Variants in PCDHGA4 observed in about 807,000 individuals in gnomAD.
PCDHGA4 encodes protocadherin gamma subfamily A, 4, also known as protocadherin gamma-A4.
PCDHGA4 carries 38 observed loss-of-function variants against 54.6 expected under a neutral mutation model. That is an observed-to-expected ratio of 0.70 (90% confidence interval 0.54 to 0.91). PCDHGA4 has a LOEUF of 0.91. Ranked by LOEUF, PCDHGA4 falls within the 40% of genes least tolerant of loss-of-function variation. PCDHGA4 has a pLI of 0.00. For missense variants in PCDHGA4, 1,298 were observed against 1,220.9 expected (o/e 1.06, Z -0.94); for synonymous variants, 511 against 512.9 (o/e 1.00, Z 0.05).
In PCDHGA4 at chr5:141,365,803, G is replaced by A. The variant is rs138451800; in HGVS notation, c.2514+8182G>A. On this transcript the variant is annotated intron_variant, in intron 1 of 3. Coordinates refer to ENST00000571252, the MANE Select transcript of PCDHGA4 (RefSeq NM_018917.4). ...ACAACGCTCGAGTCACCTACTCCCT[G>A]GCTGAAGACACATTTCAGGGGGCGC... 8,384 of 1,613,862 alleles carry A rather than the reference G, an allele frequency of 5.2e-3. 46 individuals are homozygous for A. Among genetic ancestry groups the A allele is most frequent in the Admixed American group, 9.4e-3 (566 of 60,014 alleles).
intron 1 of PCDHGA4, among the ~76,000 whole-genome samples, chr5:141,437,364 T>G (rs1026384836): frequency 6.6e-6 from 1 of 152,232 alleles, no homozygotes; most frequent in Non-Finnish European, 1.5e-5. Context: ...AAAATTGGAA[T>G]GTAATCAGTC....
intron 1 of PCDHGA4, among the ~76,000 whole-genome samples, chr5:141,401,643 A>G (rs973841801): frequency 6.6e-6 from 1 of 152,262 alleles, no homozygotes; most frequent in African/African-American, 2.4e-5. Context: ...AGCTTTAAAT[A>G]TAAATGACTG....
intron 1 of PCDHGA4, among the ~76,000 whole-genome samples, chr5:141,368,538 C>T (rs1004071983): frequency 6.6e-6 from 1 of 151,336 alleles, no homozygotes; most frequent in Admixed American, 6.6e-5. Context: ...ACTTGCTTTT[C>T]CATTTTTTTT....
At chr5:141,510,169 A>G (rs927072830) in intron 3 of PCDHGA4, among the ~76,000 whole-genome samples, 7 of 151,230 alleles carry the variant, frequency 4.6e-5, no homozygotes, top group Non-Finnish European at 1.0e-4. Context: ...GCTACTCAGG[A>G]GGTTGAGGCA....
chr5:141,393,071 C>T (rs927273885), intron 1 of PCDHGA4: 3 of 1,613,680 alleles, frequency 1.9e-6, no homozygotes, highest in Non-Finnish European at 2.5e-6. Context: ...GCTTGATCAC[C>T]GCGGGCAGGA....
In PCDHGA4 at chr5:141,489,365, G is replaced by A. The variant is rs774363104; in HGVS notation, c.2515-5442G>A. ...TCAGTGGTGGAGGAGTCTGAGCCGG[G>A]GACGCTGGTGGGGAATGTTGCTCAG... On this transcript the variant is annotated intron_variant, in intron 1 of 3. Transcript: ENST00000571252. The surrounding 1 kb of genome is among the most constrained non-coding windows in gnomAD (Gnocchi z 4.5). The A allele has an allele frequency of 6.2e-7, 1 of 1,613,512 alleles. No individual in the cohort carries two copies.
intron 1 of PCDHGA4, chr5:141,420,357 C>A: frequency 7.3e-7 from 1 of 1,376,278 alleles, no homozygotes; most frequent in East Asian, 2.6e-5. Flanking sequence ...TTTTAAGATT[C>A]TAGATAACTT....
At chr5:141,455,160 G>GT (rs59530096) in intron 1 of PCDHGA4, among the ~76,000 whole-genome samples, 26,536 of 149,098 alleles carry the variant, frequency 0.18, 2,386 homozygotes, top group South Asian at 0.23. Flanking sequence ...TAGTTTGTTG[G>GT]TTTTTTTTTT....
At position 141,490,409 on chromosome 5, in the gene PCDHGA4, C is replaced by G; in HGVS notation, c.2515-4398C>G. On this transcript the variant is annotated intron_variant, in intron 1 of 3. Transcript: ENST00000571252. The surrounding 1 kb of genome is among the most constrained non-coding windows in gnomAD (Gnocchi z 5.4). ...AATGGTGAAGTGAGCCTTGATATCT[C>G]TCCGGACCTGCCATTTCAGATTAAG... 1 of 1,614,202 alleles carries G rather than the reference C, an allele frequency of 6.2e-7. No homozygotes were observed. Among genetic ancestry groups the G allele is most frequent in the Non-Finnish European group, 8.5e-7 (1 of 1,180,038 alleles).
intron 1 of PCDHGA4, chr5:141,419,206 G>A: frequency 1.9e-6 from 3 of 1,613,876 alleles, no homozygotes; most frequent in Non-Finnish European, 1.7e-6. Flanking sequence ...ATGACAACGC[G>A]CCGGTTTTCG....
At chr5:141,444,380 A>G (rs1475986922) in intron 1 of PCDHGA4, among the ~76,000 whole-genome samples, 1 of 151,876 alleles carries the variant, frequency 6.6e-6, no homozygotes, top group Non-Finnish European at 1.5e-5. Context: ...CATGTTGGTC[A>G]GGCTAGTCTT....
intron 1 of PCDHGA4, chr5:141,408,786 C>A: frequency 6.2e-7 from 1 of 1,612,430 alleles, no homozygotes; most frequent in Non-Finnish European, 8.5e-7. Flanking sequence ...CCAGAGTTAT[C>A]TCTGGAGAAA....
In PCDHGA4 at chr5:141,374,128, G is replaced by T. The variant is rs376765941; in HGVS notation, c.2514+16507G>T. Reference sequence around the variant, plus strand: ...ATCCGCAGCGCAGCGAGCAGGTCCTGCTCCTCACGCTCCTGGGGACGCTGT... The same window carrying T: ...ATCCGCAGCGCAGCGAGCAGGTCCTTCTCCTCACGCTCCTGGGGACGCTGT... On this transcript the variant is annotated intron_variant, in intron 1 of 3. Coordinates refer to ENST00000571252, the MANE Select transcript of PCDHGA4 (RefSeq NM_018917.4). The T allele has an allele frequency of 4.4e-6, 7 of 1,603,372 alleles. No homozygotes were observed. The African/African-American group carries it at 8.0e-5, about 18-fold the overall frequency.
At chr5:141,387,891 A>T (rs774395551) in intron 1 of PCDHGA4, 36 of 1,554,882 alleles carry the variant, frequency 2.3e-5, no homozygotes, top group Non-Finnish European at 2.9e-5. Context: ...AGGGATGGGG[A>T]GCGGCGCCGG....
At chr5:141,423,042 G>A in intron 1 of PCDHGA4, 1 of 1,614,220 alleles carries the variant, frequency 6.2e-7, no homozygotes, top group Non-Finnish European at 8.5e-7. Context: ...ACGCCTGGCT[G>A]TCCTATCGCC....
Position 141,374,537 on chromosome 5 carries a change from T to G in PCDHGA4, c.2514+16916T>G, listed in dbSNP as rs1430968090. Reference sequence around the variant, plus strand: ...CGAAAACGCAGCTCCATCCTCTCGTTTTCCACTAATGGAGGTCTATGACCC... The same window carrying G: ...CGAAAACGCAGCTCCATCCTCTCGTGTTCCACTAATGGAGGTCTATGACCC... On this transcript the variant is annotated intron_variant, in intron 1 of 3. Coordinates refer to ENST00000571252, the MANE Select transcript of PCDHGA4 (RefSeq NM_018917.4). 4 of 1,613,198 alleles carry G rather than the reference T, an allele frequency of 2.5e-6. No individual in the cohort carries two copies. In the Admixed American group the frequency reaches 5.0e-5, roughly 20 times the overall value.
chr5:141,389,131 A>G, intron 1 of PCDHGA4: 2 of 1,614,024 alleles, frequency 1.2e-6, no homozygotes, highest in African/African-American at 2.7e-5. Flanking sequence ...AATCCAGAGT[A>G]CAATATAACC....
rs753473913 is a variant in PCDHGA4 at position 141,503,323 on chromosome 5, G to A, written c.2574-2070G>A. On this transcript the variant is annotated intron_variant, in intron 2 of 3. Transcript: ENST00000571252. The stretch of plus-strand genomic sequence containing the variant: ...CTCAAGAAAGAATTGTTGGAGGGGC[G>A]CGGTGGCTCACGCCTGTAATTCCAG... Among the ~76,000 whole-genome samples the A allele has an allele frequency of 2.0e-5, 3 of 152,214 alleles. No individual in the cohort carries two copies. In the Middle Eastern group the frequency reaches 0.01, roughly 518 times the overall value.
rs1254227812 is a variant in PCDHGA4, at chr5:141,357,331, C to T, written c.2224C>T (p.Leu742=). Reference sequence around the variant, plus strand: ...CGTCTTCCTGGCTTTTGTCACGGTGCTGCTAGCACTCAAGCTGAGACGCTG... The same window carrying T: ...CGTCTTCCTGGCTTTTGTCACGGTGTTGCTAGCACTCAAGCTGAGACGCTG... ...SCVFLAFVTV[L]LALKLRRWHK... Residue 742 remains leucine (L), a synonymous_variant, in exon 1 of 4, where the codon CTG becomes TTG. Coordinates refer to ENST00000571252, the MANE Select transcript of PCDHGA4 (RefSeq NM_018917.4). 2.5e-6 allele frequency: 4 copies of T among 1,614,098 alleles called. No homozygotes were observed. The Admixed American group carries it at 5.0e-5, about 20-fold the overall frequency.
Sources: gnomAD v4.1 joint callset for allele counts (sites outside exome capture counted in the v4.1 genomes callset) on GRCh38, gnomAD v4.1.1 for gene constraint, Gnocchi (gnomAD v3.1) non-coding constraint, MANE v1.5 for transcripts, NCBI Gene and HGNC (gene_info 2026-07-23, HGNC 2026-07-21) for gene names.